ZNF423: variants seen among roughly 807,000 people sequenced by gnomAD.
The protein encoded by ZNF423 is Ebf-associated zinc finger protein.
A neutral mutation model predicts 95.8 loss-of-function variants in ZNF423; 12 were observed. That is an observed-to-expected ratio of 0.13 (90% CI 0.08 to 0.20). The LOEUF (loss-of-function observed/expected upper bound fraction) is 0.20. Ranked by LOEUF, ZNF423 falls within the 10% of genes least tolerant of loss-of-function variation. ZNF423 has a pLI of 1.00. For synonymous variants in ZNF423, 749 were observed against 711.9 expected, an observed-to-expected ratio of 1.05 and a Z score of -0.83; for missense variants, 1,316 against 1,737.1, an observed-to-expected ratio of 0.76 and a Z score of 4.31.
At chr16:49,533,595 G>A (rs990371740) in intron 5 of ZNF423, among the ~76,000 whole-genome samples, 1 of 152,236 alleles carries the variant, frequency 6.6e-6, no homozygotes, top group Non-Finnish European at 1.5e-5. Flanking sequence ...TAAACTCCCT[G>A]TGAGATTTCC....
At chr16:49,565,026 T>C (rs181920781) in intron 5 of ZNF423, among the ~76,000 whole-genome samples, 19 of 152,268 alleles carry the variant, frequency 1.2e-4, no homozygotes, top group African/African-American at 4.3e-4. Flanking sequence ...GAGGTTTCGG[T>C]TGGAAACTTG....
intron 7 of ZNF423, among the ~76,000 whole-genome samples, chr16:49,505,259 G>A (rs554578000): frequency 2.6e-5 from 4 of 152,234 alleles, no homozygotes; most frequent in African/African-American, 4.8e-5. Flanking sequence ...TAGGTCACAC[G>A]GTCACTAATT....
chr16:49,755,923 A>G (rs2033718060), intron 2 of ZNF423, among the ~76,000 whole-genome samples: 1 of 152,180 alleles, frequency 6.6e-6, no homozygotes, highest in African/African-American at 2.4e-5. Context: ...GACCCGGTGG[A>G]GTCAGAGACG....
chr16:49,664,426 G>A (rs1368386540), intron 3 of ZNF423: 5 of 419,004 alleles, frequency 1.2e-5, no homozygotes, highest in Admixed American at 6.4e-5. Flanking sequence ...CAGGCCACGC[G>A]GCCAGATGTT....
chr16:49,507,078 T>C (rs1177822253), intron 7 of ZNF423, among the ~76,000 whole-genome samples: 1 of 152,224 alleles, frequency 6.6e-6, no homozygotes, highest in African/African-American at 2.4e-5. Context: ...ACTGTCTTTC[T>C]GACCCTAGCC....
rs530520414 is a variant in ZNF423, at chr16:49,546,688, G to C, written c.3602-21194C>G. Among the ~76,000 whole-genome samples, 9 of 152,304 alleles carry C rather than the reference G, an allele frequency of 5.9e-5. No homozygotes were observed. In the South Asian group the frequency reaches 1.9e-3, roughly 32 times the overall value. ...GCTCGAGATGTCATCAGGGGGCACAGAATTAAACGCCAAGGCTGAACCTTA... is the reference window on the plus strand; with the variant it reads ...GCTCGAGATGTCATCAGGGGGCACACAATTAAACGCCAAGGCTGAACCTTA... On this transcript the variant is annotated intron_variant, in intron 5 of 7. Coordinates refer to ENST00000563137, the MANE Select transcript of ZNF423 (RefSeq NM_001379286.1).
intron 2 of ZNF423, among the ~76,000 whole-genome samples, chr16:49,739,310 A>G (rs965087865): frequency 6.6e-6 from 1 of 152,234 alleles, no homozygotes; most frequent in African/African-American, 2.4e-5. Flanking sequence ...CAGTGCAGAC[A>G]AAAGCTGGAG....
chr16:49,608,020 T>A (rs1357306976), intron 5 of ZNF423, among the ~76,000 whole-genome samples: 2 of 152,160 alleles, frequency 1.3e-5, no homozygotes, highest in Non-Finnish European at 2.9e-5. Context: ...CCCCATATCT[T>A]CAACACTGGA....
intron 7 of ZNF423, chr16:49,517,802 T>G (rs947272705): frequency 2.7e-6 from 1 of 364,852 alleles, no homozygotes; most frequent in Non-Finnish European, 5.3e-6. Flanking sequence ...TTGTTGTTCC[T>G]GCTGCTGTCT....
chr16:49,756,223 C>G (rs1420719277), intron 2 of ZNF423, among the ~76,000 whole-genome samples: 1 of 152,102 alleles, frequency 6.6e-6, no homozygotes, highest in Non-Finnish European at 1.5e-5. Flanking sequence ...CTGCATCAGC[C>G]CAGGCCGCCT....
In ZNF423 at chr16:49,689,116, C is replaced by T. The variant is rs571885404; in HGVS notation, c.301+41655G>A. ...CTGATGTGTTGATTCATGTGTTTAC[C>T]CGGGGCATGGGTCTAAGATTGTGTT... On this transcript the variant is annotated intron_variant, in intron 3 of 7. Coordinates refer to ENST00000563137, the MANE Select transcript of ZNF423 (RefSeq NM_001379286.1). Among the ~76,000 whole-genome samples the T allele has an allele frequency of 7.2e-5, 11 of 152,114 alleles. No individual in the cohort carries two copies. In the South Asian group the frequency reaches 2.3e-3, roughly 32 times the overall value.
intron 3 of ZNF423, among the ~76,000 whole-genome samples, chr16:49,705,087 T>C (rs1472437072): frequency 6.6e-6 from 1 of 152,170 alleles, no homozygotes; most frequent in Non-Finnish European, 1.5e-5. Flanking sequence ...TCCTGTCTTC[T>C]TTCTGGGAAA....
At chr16:49,736,749 C>T (rs1299842515) in intron 2 of ZNF423, among the ~76,000 whole-genome samples, 1 of 152,130 alleles carries the variant, frequency 6.6e-6, no homozygotes, top group Non-Finnish European at 1.5e-5. Flanking sequence ...GAGCCGTGTT[C>T]GCACCACTGC....
At chr16:49,816,624 A>G (rs2034859845) in intron 1 of ZNF423, among the ~76,000 whole-genome samples, 1 of 152,114 alleles carries the variant, frequency 6.6e-6, no homozygotes, top group Non-Finnish European at 1.5e-5. Flanking sequence ...TCTCTACTAA[A>G]AATTTAAAAA....
intron 1 of ZNF423, among the ~76,000 whole-genome samples, chr16:49,842,584 G>C (rs1034519130): frequency 7.2e-5 from 11 of 151,916 alleles, no homozygotes; most frequent in Admixed American, 2.0e-4. Context: ...TCATATCTTG[G>C]GGGGGAAAAA....
Position 49,638,522 on chromosome 16 carries a change from C to T in ZNF423, c.654G>A (p.Lys218=), listed in dbSNP as rs751260245. Residue 218 remains lysine (K), a synonymous_variant, in exon 4 of 8, where the codon AAG becomes AAA. Transcript: ENST00000563137. This position sits in a 1 kb window ranked among gnomAD's most constrained non-coding sequence, Gnocchi z 5.6. ...TGGAGCTGTGGGTCTTCAGGTGGAT[C>T]TTGAGGTGGTCGCTGCGGGAGAAGG... The part of the protein sequence containing the change: ...EAAFSRSDHL[K]IHLKTHSSSK... 1 of 1,613,834 alleles carries T rather than the reference C, an allele frequency of 6.2e-7. No homozygotes were observed. The highest frequency in any genetic ancestry group is 1.3e-5 in the African/African-American group (1 of 75,060).
intron 2 of ZNF423, among the ~76,000 whole-genome samples, chr16:49,779,361 G>A (rs1339792818): frequency 6.6e-6 from 1 of 152,006 alleles, no homozygotes; most frequent in Non-Finnish European, 1.5e-5. Context: ...CCTGGAGGAG[G>A]TGTCATTTAG....
At chr16:49,695,886 CAT>C (rs1223428781) in intron 3 of ZNF423, among the ~76,000 whole-genome samples, 1 of 152,250 alleles carries the variant, frequency 6.6e-6, no homozygotes, top group Non-Finnish European at 1.5e-5. Context: ...CAAGCTCTTG[CAT>C]ACATTATTCC....
chr16:49,676,179 A>T (rs8048188), intron 3 of ZNF423, among the ~76,000 whole-genome samples: 139,224 of 152,350 alleles, frequency 0.91, 63,751 homozygotes, highest in African/African-American at 0.97. Context: ...AAGTACAATT[A>T]TGCATCACCG....
Sources: allele counts gnomAD v4.1 joint callset (sites outside exome capture counted in the v4.1 genomes callset), GRCh38; gene constraint gnomAD v4.1.1; non-coding constraint Gnocchi (gnomAD v3.1); transcripts MANE v1.5; gene names NCBI Gene and HGNC (gene_info 2026-07-23, HGNC 2026-07-21).